AGMO: variants seen among roughly 807,000 people sequenced by gnomAD.
The protein encoded by AGMO is glyceryl-ether monooxygenase.
AGMO carries 75 observed loss-of-function variants against 60.2 expected under a neutral mutation model. The ratio of observed to expected loss-of-function variants is 1.25; its 90% CI spans 1.03 to 1.51. The LOEUF (loss-of-function observed/expected upper bound fraction) is 1.51. AGMO is among the 40% of genes most tolerant of loss of function. The pLI is 0.00. For synonymous variants in AGMO, 261 were observed against 177.1 expected (o/e 1.47, Z -3.76); for missense variants, 763 against 525.5 (o/e 1.45, Z -4.42).
chr7:15,211,977 T>G (rs1281688871), intron 12 of AGMO, among the ~76,000 whole-genome samples: 1 of 151,910 alleles, frequency 6.6e-6, no homozygotes, highest in Non-Finnish European at 1.5e-5. Flanking sequence ...ACAGCAGAAC[T>G]GCAAAGGAAA....
At chr7:15,354,148 A>G (rs1782360381) in intron 12 of AGMO, among the ~76,000 whole-genome samples, 1 of 151,662 alleles carries the variant, frequency 6.6e-6, no homozygotes, top group Admixed American at 6.6e-5. Flanking sequence ...ATGTTTTTTT[A>G]AAGGAGACCA....
intron 12 of AGMO, among the ~76,000 whole-genome samples, chr7:15,363,989 T>C (rs1300993949): frequency 6.6e-6 from 1 of 152,044 alleles, no homozygotes; most frequent in Non-Finnish European, 1.5e-5. Context: ...TTATGATTAT[T>C]TTGCTTTTAG....
the AGMO span, among the ~76,000 whole-genome samples, chr7:15,160,563 A>G: frequency 6.6e-6 from 1 of 152,154 alleles, no homozygotes; most frequent in Non-Finnish European, 1.5e-5. Flanking sequence ...ATGTACACAT[A>G]TGAAGTAACA....
At chr7:15,256,516 C>T (rs1290177899) in intron 12 of AGMO, among the ~76,000 whole-genome samples, 1 of 151,868 alleles carries the variant, frequency 6.6e-6, no homozygotes, top group South Asian at 2.1e-4. Context: ...TGTCGTGTGA[C>T]GTGTGTAATT....
intron 12 of AGMO, among the ~76,000 whole-genome samples, chr7:15,341,660 T>C (rs555047423): frequency 6.6e-6 from 1 of 152,262 alleles, no homozygotes; most frequent in South Asian, 2.1e-4. Flanking sequence ...CCAGTACCAA[T>C]TTACTATATT....
At position 15,329,812 on chromosome 7, in the gene AGMO, A is replaced by G. The variant is rs956292969; in HGVS notation, c.1263+35702T>C. Among the ~76,000 whole-genome samples the G allele has an allele frequency of 3.2e-4, 48 of 152,040 alleles. 1 individual carries two copies. The highest frequency in any genetic ancestry group is 1.2e-4 in the Non-Finnish European group (8 of 67,998). ...AACTCTCTCTGGGAATTCAGATGCTATTTGCTGAAGTGGGTAAGGAAGCTT... is the reference window on the plus strand; with the variant it reads ...AACTCTCTCTGGGAATTCAGATGCTGTTTGCTGAAGTGGGTAAGGAAGCTT... On this transcript the variant is annotated intron_variant, in intron 12 of 12. Coordinates refer to ENST00000342526, the MANE Select transcript of AGMO (RefSeq NM_001004320.2).
intron 12 of AGMO, among the ~76,000 whole-genome samples, chr7:15,319,859 A>T (rs752972847): frequency 1.3e-5 from 2 of 152,136 alleles, no homozygotes; most frequent in African/African-American, 2.4e-5. Context: ...GGAAGAAAGC[A>T]GTATACAGTT....
At chr7:15,393,048 A>G (rs894357761) in intron 6 of AGMO, among the ~76,000 whole-genome samples, 15 of 152,224 alleles carry the variant, frequency 9.9e-5, no homozygotes, top group African/African-American at 1.9e-4. Context: ...TCTACTGAAC[A>G]TGGATCACAT....
At chr7:15,546,990 G>A (rs1784798966) in intron 2 of AGMO, among the ~76,000 whole-genome samples, 1 of 152,020 alleles carries the variant, frequency 6.6e-6, no homozygotes, top group East Asian at 1.9e-4. Flanking sequence ...TAAAATTCAA[G>A]TTTTAGGTTA....
Position 15,431,083 on chromosome 7 carries a change from G to A in AGMO, c.435C>T (p.His145=). ...AHEVNIMWAG[H]QTHHSSEDYN... is the part of the protein sequence containing the mutation. ...AGTCTTCAGAACTATGATGTGTTTG[G>A]TGTCCGGCCCACATAATATTAACTT... Residue 145 remains histidine, a synonymous_variant, in exon 4 of 13, where the codon CAC becomes CAT. Coordinates refer to ENST00000342526, the MANE Select transcript of AGMO (RefSeq NM_001004320.2). 6.2e-6 allele frequency: 10 copies of A among 1,611,378 alleles called. No individual in the cohort carries two copies. The highest frequency in any genetic ancestry group is 8.5e-6 in the Non-Finnish European group (10 of 1,178,218).
At chr7:15,319,073 A>G (rs1010700486) in intron 12 of AGMO, among the ~76,000 whole-genome samples, 5 of 151,946 alleles carry the variant, frequency 3.3e-5, no homozygotes, top group African/African-American at 1.2e-4. Flanking sequence ...CCGTTTCTCT[A>G]CTGGCCTCAT....
At chr7:15,165,712 T>C in the AGMO span, among the ~76,000 whole-genome samples, 1 of 152,258 alleles carries the variant, frequency 6.6e-6, no homozygotes, top group Non-Finnish European at 1.5e-5. Flanking sequence ...GACATATAAT[T>C]TAATCTCTTA....
chr7:15,553,751 T>C (rs867433065), intron 2 of AGMO, among the ~76,000 whole-genome samples: 8 of 152,266 alleles, frequency 5.3e-5, no homozygotes, highest in African/African-American at 1.7e-4. Flanking sequence ...AAAACCTGCC[T>C]GAAATTGAAA....
At chr7:15,334,273 T>C (rs1409844480) in intron 12 of AGMO, among the ~76,000 whole-genome samples, 1 of 148,820 alleles carries the variant, frequency 6.7e-6, no homozygotes, top group Non-Finnish European at 1.5e-5. Context: ...TTTAACAACA[T>C]AAAATTATCA....
Position 15,541,162 on chromosome 7 carries a change from C to T in AGMO, c.409+3610G>A, listed in dbSNP as rs150825532. Among the ~76,000 whole-genome samples the T allele has an allele frequency of 1.6e-3, 237 of 152,056 alleles. 1 individual carries two copies. Among genetic ancestry groups the T allele is most frequent in the Middle Eastern group, 0.01 (3 of 294 alleles). On this transcript the variant is annotated intron_variant, in intron 3 of 12. Transcript: ENST00000342526. ...TTTGAGACGGGGTCTCGCTCTGTCA[C>T]CCCAGGCTGGAGTGCAGTGGAACGG...
intron 3 of AGMO, among the ~76,000 whole-genome samples, chr7:15,450,595 T>C (rs1781832365): frequency 6.6e-6 from 1 of 152,116 alleles, no homozygotes; most frequent in Non-Finnish European, 1.5e-5. Flanking sequence ...AGAGAAATAT[T>C]TACACAAATA....
At chr7:15,544,240 G>A (rs1424019094) in intron 3 of AGMO, among the ~76,000 whole-genome samples, 1 of 151,768 alleles carries the variant, frequency 6.6e-6, no homozygotes, top group Non-Finnish European at 1.5e-5. Context: ...GGGTGGCAAA[G>A]GATAAAAGAT....
chr7:15,164,828 G>C, the AGMO span, among the ~76,000 whole-genome samples: 2 of 152,188 alleles, frequency 1.3e-5, no homozygotes, highest in Admixed American at 1.3e-4. Flanking sequence ...ATGGAAAGCA[G>C]TATGTAAATT....
the AGMO span, among the ~76,000 whole-genome samples, chr7:15,138,802 T>C: frequency 6.6e-6 from 1 of 151,776 alleles, no homozygotes; most frequent in African/African-American, 2.4e-5. Flanking sequence ...ATAAAATAAA[T>C]GTAATGTAAG....
Sources: gnomAD v4.1 joint callset for allele counts (sites outside exome capture counted in the v4.1 genomes callset) on GRCh38, gnomAD v4.1.1 for gene constraint, MANE v1.5 for transcripts, NCBI Gene and HGNC (gene_info 2026-07-23, HGNC 2026-07-21) for gene names.